The following SVEP1 variants were observed in gnomAD, a reference collection of about 807,000 sequenced individuals.
The protein encoded by SVEP1 is sushi, von Willebrand factor type A, EGF and pentraxin domain containing 1, also known as sushi, von Willebrand factor type A, EGF and pentraxin domain-containing protein 1.
A neutral mutation model predicts 367.3 loss-of-function variants in SVEP1; 164 were observed. The ratio of observed to expected loss-of-function variants is 0.45; its 90% CI spans 0.39 to 0.51. The LOEUF (loss-of-function observed/expected upper bound fraction) is 0.51. SVEP1 is among the 20% of genes least tolerant of loss of function. The pLI is 0.00. For synonymous variants in SVEP1, 1,666 were observed against 1,611.6 expected (o/e 1.03, Z -0.81); for missense variants, 4,117 against 4,425.3 (o/e 0.93, Z 1.98).
intron 1 of SVEP1, 52 bp from the exon 2 acceptor site, chr9:110,550,156 T>G: frequency 6.3e-7 from 1 of 1,599,484 alleles, no homozygotes; most frequent in Admixed American, 1.7e-5. Flanking sequence ...TTGCCTACTG[T>G]GTGCTTCTCT....
At chr9:110,388,901 G>GGAGGTTGCAGTGAGCT (rs1259575873) in intron 41 of SVEP1, among the ~76,000 whole-genome samples, 1 of 152,174 alleles carries the variant, frequency 6.6e-6, no homozygotes, top group South Asian at 2.1e-4. Flanking sequence ...CCCGGGAAGT[G>GGAGGTTGCAGTGAGCT]GAGGTTGCAG....
At position 110,450,105 on chromosome 9, in the gene SVEP1, G is replaced by A. The variant is rs2118608942; in HGVS notation, c.4057C>T (p.Pro1353Ser). The A allele has an allele frequency of 6.2e-7, 1 of 1,613,848 alleles. No homozygotes were observed. The highest frequency in any genetic ancestry group is 1.3e-5 in the African/African-American group (1 of 75,028). ...GKNVDECLSQ[P>S]CKNGATCKDG... ...TTACAGGTAGCTCCATTTTTGCATG[G>A]CTGACTGAGACACTCATCGACGTTC... The change falls in exon 24 of 48, where the codon CCA becomes TCA. Residue 1353 changes from proline (P) to serine (S), a missense_variant. Physicochemically the swap from Pro to Ser is moderately conservative, Grantham distance 74. This residue lies in a region of SVEP1 where 2,174 missense variants were observed against 2,494.3 expected (regional missense o/e 0.87). Transcript: ENST00000374469.
intron 22 of SVEP1, among the ~76,000 whole-genome samples, chr9:110,451,988 G>A (rs1186004787): frequency 6.6e-6 from 1 of 152,178 alleles, no homozygotes; most frequent in Non-Finnish European, 1.5e-5. Flanking sequence ...GCACAGAAAT[G>A]AGCCTAGAAC....
intron 3 of SVEP1, among the ~76,000 whole-genome samples, chr9:110,530,176 T>C (rs926535453): frequency 6.6e-6 from 1 of 152,228 alleles, no homozygotes; most frequent in Non-Finnish European, 1.5e-5. Context: ...TTATGTATGT[T>C]GAACCATCCC....
In SVEP1 at chr9:110,445,302, G is replaced by A. The variant is rs575935239; in HGVS notation, c.4463+535C>T. Among the ~76,000 whole-genome samples, 38 of 152,258 alleles carry A rather than the reference G, an allele frequency of 2.5e-4. 1 individual carries two copies. In the South Asian group the frequency reaches 6.9e-3, roughly 27 times the overall value. On this transcript the variant is annotated intron_variant, in intron 26 of 47. Coordinates refer to ENST00000374469, the MANE Select transcript of SVEP1 (RefSeq NM_153366.4). ...GTTGGCTCTCCTGACAACCCATGGC[G>A]ATGGGGCCCTGGAGTTGGAATTAGT...
intron 9 of SVEP1, among the ~76,000 whole-genome samples, chr9:110,484,016 C>A (rs776845796): frequency 3.3e-5 from 5 of 152,082 alleles, no homozygotes; most frequent in Non-Finnish European, 7.4e-5. Context: ...TTGAGCTGAC[C>A]CAACTGGAAG....
intron 18 of SVEP1, among the ~76,000 whole-genome samples, chr9:110,464,517 T>C (rs1029129849): frequency 2.0e-5 from 3 of 152,178 alleles, no homozygotes; most frequent in Admixed American, 1.3e-4. Flanking sequence ...TTCCTGCCCT[T>C]GCACATTAAC....
At chr9:110,525,451 T>A (rs1395511527) in intron 3 of SVEP1, among the ~76,000 whole-genome samples, 1 of 152,206 alleles carries the variant, frequency 6.6e-6, no homozygotes, top group African/African-American at 2.4e-5. Context: ...TAATATATCA[T>A]GTTTGTGGAT....
At chr9:110,539,958 T>C (rs1830124164) in intron 3 of SVEP1, among the ~76,000 whole-genome samples, 1 of 152,096 alleles carries the variant, frequency 6.6e-6, no homozygotes, top group Non-Finnish European at 1.5e-5. Context: ...ATTAGCTGTG[T>C]GACCCTGGAC....
intron 36 of SVEP1, among the ~76,000 whole-genome samples, chr9:110,425,772 A>G (rs933150962): frequency 2.0e-5 from 3 of 152,206 alleles, no homozygotes; most frequent in African/African-American, 7.2e-5. Flanking sequence ...GAAGAGGAAA[A>G]GGTATAAATC....
intron 5 of SVEP1, among the ~76,000 whole-genome samples, chr9:110,504,635 T>C (rs955319878): frequency 1.3e-5 from 2 of 152,214 alleles, no homozygotes; most frequent in African/African-American, 2.4e-5. Context: ...GAAGCCTTAA[T>C]TGGCTTAACA....
Position 110,407,032 on chromosome 9 carries a change from T to C in SVEP1, c.8568A>G (p.Glu2856=), listed in dbSNP as rs371973003. The C allele has an allele frequency of 2.5e-6, 4 of 1,613,816 alleles. No individual in the cohort carries two copies. The highest frequency in any genetic ancestry group is 2.2e-5 in the South Asian group (2 of 91,078). ...GDEYTFQKEI[E]YTCNEGFLLE... ...GCAAGAACCCTTCATTGCAAGTGTA[T>C]TCAATCTCTTTTTGGAATGTGTACT... The change falls in exon 38 of 48, where the codon GAA becomes GAG. Residue 2856 remains glutamate, a synonymous_variant. Coordinates refer to ENST00000374469, the MANE Select transcript of SVEP1 (RefSeq NM_153366.4).
At chr9:110,440,359 T>C (rs1828494823) in intron 27 of SVEP1, among the ~76,000 whole-genome samples, 1 of 152,192 alleles carries the variant, frequency 6.6e-6, no homozygotes. Flanking sequence ...GAGCTCCTTC[T>C]GTCTGAGCTG....
intron 2 of SVEP1, among the ~76,000 whole-genome samples, chr9:110,549,460 T>G (rs997822070): frequency 1.3e-5 from 2 of 152,168 alleles, no homozygotes; most frequent in African/African-American, 4.8e-5. Context: ...GGAAACATTC[T>G]GGTAAGTTTC....
At chr9:110,458,445 G>A (rs1300243968) in intron 20 of SVEP1, 26 bp downstream of exon 20, 1 of 1,594,926 alleles carries the variant, frequency 6.3e-7, no homozygotes, top group Non-Finnish European at 8.6e-7. Flanking sequence ...TTCCACTAGA[G>A]AACAGTTTAT....
intron 12 of SVEP1, 38 bp downstream of exon 12, chr9:110,481,204 C>A (rs757090885): frequency 7.3e-7 from 1 of 1,369,194 alleles, no homozygotes; most frequent in East Asian, 2.6e-5. Context: ...CACACATTCA[C>A]ACACATTAAA....
At chr9:110,373,701 A>G (rs977958575) in intron 46 of SVEP1, among the ~76,000 whole-genome samples, 2 of 152,150 alleles carry the variant, frequency 1.3e-5, no homozygotes, top group Non-Finnish European at 2.9e-5. Context: ...TTTGACATTT[A>G]CTAAAAATAT....
At chr9:110,516,507 A>C (rs1157735484) in intron 3 of SVEP1, among the ~76,000 whole-genome samples, 1 of 147,840 alleles carries the variant, frequency 6.8e-6, no homozygotes, top group African/African-American at 2.4e-5. Context: ...TATTAGCGAT[A>C]TTGAACTACT....
At position 110,457,309 on chromosome 9, in the gene SVEP1, GT is replaced by G. The variant is rs1458622995; in HGVS notation, c.3619del (p.Thr1207ProfsTer20). On this transcript the variant is annotated frameshift_variant, in exon 21 of 48. Coordinates refer to ENST00000374469, the MANE Select transcript of SVEP1 (RefSeq NM_153366.4). LOFTEE classifies it high-confidence loss of function. The stretch of plus-strand genomic sequence containing the variant: ...ATAACCACGCCCAAGTTGCTGGCAG[GT>G]TCCACTATTGTGGCAAGGGTTAAAG... The part of the protein sequence containing the change: ...CFFNPCHNSG[T>X]CQQLGRGYVC... The G allele has an allele frequency of 6.2e-7, 1 of 1,612,482 alleles. No individual in the cohort carries two copies. The highest frequency in any genetic ancestry group is 8.5e-7 in the Non-Finnish European group (1 of 1,179,618).
Sources: gnomAD v4.1 joint callset for allele counts (sites outside exome capture counted in the v4.1 genomes callset) on GRCh38, gnomAD v4.1.1 for gene constraint, gnomAD v4.1.1 regional missense constraint, MANE v1.5 for transcripts, NCBI Gene and HGNC (gene_info 2026-07-23, HGNC 2026-07-21) for gene names.